TEX29: variants seen among roughly 807,000 people sequenced by gnomAD.
TEX29 encodes testis expressed 29, also known as testis-expressed protein 29.
Under a neutral mutation model 18.2 loss-of-function variants are expected in TEX29, and 26 were observed. The ratio of observed to expected loss-of-function variants is 1.43; its 90% CI spans 1.04 to 1.98. The LOEUF is 1.98. Among genes scored for constraint, TEX29 ranks in the 30% most tolerant of loss-of-function variants. The pLI, the probability that TEX29 is intolerant of heterozygous loss-of-function variation, is 0.00. For missense variants in TEX29, 177 were observed against 194.2 expected (o/e 0.91, Z 0.53); for synonymous variants, 83 against 78.5 (o/e 1.06, Z -0.31).
At chr13:111,320,798 C>T (rs2093662702) in intron 1 of TEX29, 36 bp downstream of exon 1, 2 of 1,538,494 alleles carry the variant, frequency 1.3e-6, no homozygotes, top group Admixed American at 1.7e-5. Flanking sequence ...GTGTGAGCCG[C>T]CCGCTCCCCA....
chr13:111,331,316 A>ATTTTTTTTTTTTTTTTTTC (rs2093682348), intron 3 of TEX29, among the ~76,000 whole-genome samples: 1 of 131,038 alleles, frequency 7.6e-6, no homozygotes, highest in Non-Finnish European at 1.6e-5. Flanking sequence ...CCATTGTTGC[A>ATTTTTTTTTTTTTTTTTTC]TTTTTTTTTT....
At chr13:111,336,830 G>A (rs147415142) in intron 3 of TEX29, among the ~76,000 whole-genome samples, 36 of 152,286 alleles carry the variant, frequency 2.4e-4, no homozygotes, top group Middle Eastern at 6.8e-3. Context: ...TGTACGGAGC[G>A]CATCATTGAG....
Position 111,342,557 on chromosome 13 carries a change from C to CAAAA in TEX29, c.240-182_240-179dup, listed in dbSNP as rs34305274. On this transcript the variant is annotated intron_variant, in intron 4 of 5. Coordinates refer to ENST00000283547, the MANE Select transcript of TEX29 (RefSeq NM_152324.3). ...CCTGGATGACAGATCAAAACTGTCT[C>CAAAA]AAAAAAAAAAAAAAAAAAAAGAGAG... 3.0e-3 allele frequency among the ~76,000 whole-genome samples: 227 copies of CAAAA among 74,954 alleles called. 3 individuals carry two copies. Among genetic ancestry groups the CAAAA allele is most frequent in the African/African-American group, 6.6e-3 (128 of 19,500 alleles). 49.2% of individuals were successfully genotyped at this position (74,954 alleles called of 152,430 possible). A position where few individuals can be genotyped will look rare whatever the true frequency, so the allele number is the denominator to read the frequency against.
intron 2 of TEX29, among the ~76,000 whole-genome samples, chr13:111,325,661 C>T (rs2093671625): frequency 6.6e-6 from 1 of 151,674 alleles, no homozygotes; most frequent in Non-Finnish European, 1.5e-5. Flanking sequence ...AAATGCATGG[C>T]GACATTGTGG....
rs1447835073 is a variant in TEX29 at position 111,342,915 on chromosome 13, C to G, written c.399C>G (p.Asp133Glu). Residue 133 changes from aspartate to glutamate, a missense_variant, in exon 5 of 6, where the codon GAC becomes GAG. Transcript: ENST00000283547. ...GTGCTGGGCCCTCGATGAAGAGTGACGAGGATAAGGATGATGGTGAGAAGC... is the reference window on the plus strand; with the variant it reads ...GTGCTGGGCCCTCGATGAAGAGTGAGGAGGATAAGGATGATGGTGAGAAGC... ...PPSAGPSMKS[D>E]EDKDDVTGTI... The G allele has an allele frequency of 7.4e-6, 12 of 1,613,960 alleles. No individual in the cohort carries two copies. Among genetic ancestry groups the G allele is most frequent in the South Asian group, 1.1e-5 (1 of 91,062 alleles).
At chr13:111,319,386 C>T (rs1294812286), upstream of TEX29, among the ~76,000 whole-genome samples, 1 of 152,132 alleles carries the variant, frequency 6.6e-6, no homozygotes, top group Non-Finnish European at 1.5e-5. Flanking sequence ...ATTATTCAGT[C>T]GTGAGAAGGA....
intron 5 of TEX29, among the ~76,000 whole-genome samples, chr13:111,343,678 C>T (rs535843944): frequency 5.3e-5 from 8 of 152,280 alleles, no homozygotes; most frequent in South Asian, 2.1e-4. Context: ...AGGATACAAA[C>T]GGCCTGGCCT....
At position 111,339,558 on chromosome 13, in the gene TEX29, G is replaced by T. The variant is rs1595692798; in HGVS notation, c.170-305G>T. On this transcript the variant is annotated intron_variant, in intron 3 of 5. Coordinates refer to ENST00000283547, the MANE Select transcript of TEX29 (RefSeq NM_152324.3). ...CTTTCCATGCACTCCCGGGGGTCAG[G>T]ACCCAGTGCCGTCTCTCCATGCACT... 3 of 503,520 alleles carry T rather than the reference G, an allele frequency of 6.0e-6. No individual in the cohort carries two copies. The South Asian group carries it at 6.1e-5, about 10-fold the overall frequency. The allele number at this position is 503,520 out of a possible 1,614,324, so 31.2% of individuals were successfully genotyped here. A position where few individuals can be genotyped will look rare whatever the true frequency, so the allele number is the denominator to read the frequency against.
chr13:111,341,845 ATGTAAGTGAACTTAC>A (rs2093696958), intron 4 of TEX29, among the ~76,000 whole-genome samples: 2 of 152,248 alleles, frequency 1.3e-5, no homozygotes, highest in Admixed American at 1.3e-4. Flanking sequence ...GCCACTGACG[ATGTAAGTGAACTTAC>A]TGTCCCCGGA....
intron 3 of TEX29, among the ~76,000 whole-genome samples, chr13:111,338,532 A>C (rs754907409): frequency 1.2e-4 from 19 of 152,152 alleles, no homozygotes; most frequent in Non-Finnish European, 1.6e-4. Context: ...ATCCCTGGCA[A>C]ACTGACACAC....
chr13:111,327,658 G>A (rs1029695759), intron 2 of TEX29, among the ~76,000 whole-genome samples: 1 of 152,188 alleles, frequency 6.6e-6, no homozygotes, highest in East Asian at 1.9e-4. Flanking sequence ...AGCTCTCCCC[G>A]CCCTGCTTCC....
upstream of TEX29, among the ~76,000 whole-genome samples, chr13:111,317,638 T>C (rs1382697582): frequency 6.6e-6 from 1 of 152,242 alleles, no homozygotes; most frequent in Non-Finnish European, 1.5e-5. Flanking sequence ...ACGGGCGTGT[T>C]TGCTTCCTGC....
upstream of TEX29, among the ~76,000 whole-genome samples, chr13:111,318,078 G>A (rs1351876757): frequency 2.0e-5 from 3 of 152,170 alleles, no homozygotes; most frequent in Non-Finnish European, 2.9e-5. Flanking sequence ...TCAGCCTGTG[G>A]TGATGGGGAA....
intron 3 of TEX29, among the ~76,000 whole-genome samples, chr13:111,334,647 AAGCTT>A (rs1444880597): frequency 6.6e-6 from 1 of 152,208 alleles, no homozygotes; most frequent in African/African-American, 2.4e-5. Context: ...TTTTCATGCT[AAGCTT>A]GTTAGTTAGC....
intron 2 of TEX29, among the ~76,000 whole-genome samples, chr13:111,321,353 G>A (rs923536398): frequency 2.6e-5 from 4 of 152,040 alleles, no homozygotes; most frequent in Non-Finnish European, 4.4e-5. Context: ...TTCCCCACCC[G>A]GGCAACTGAC....
At chr13:111,325,365 A>C (rs909290135) in intron 2 of TEX29, among the ~76,000 whole-genome samples, 1 of 152,122 alleles carries the variant, frequency 6.6e-6, no homozygotes, top group African/African-American at 2.4e-5. Flanking sequence ...TGGAGGGCCT[A>C]CTGGAGATAC....
intron 2 of TEX29, among the ~76,000 whole-genome samples, chr13:111,325,617 C>A (rs1011750108): frequency 6.6e-6 from 1 of 152,064 alleles, no homozygotes; most frequent in African/African-American, 2.4e-5. Context: ...AATGGAAATG[C>A]GTGAGAGACT....
intron 4 of TEX29, among the ~76,000 whole-genome samples, chr13:111,342,002 C>T (rs919053432): frequency 3.9e-5 from 6 of 152,208 alleles, no homozygotes; most frequent in Non-Finnish European, 8.8e-5. Context: ...CTGTGGCCTG[C>T]GTCCTCATTG....
chr13:111,342,964 G>A (rs754048561), intron 5 of TEX29, 33 bp downstream of exon 5: 1 of 1,606,428 alleles, frequency 6.2e-7, no homozygotes, highest in Non-Finnish European at 8.5e-7. Flanking sequence ...CTCAGCCTAA[G>A]GTCAAGGGCG....
Sources: gnomAD v4.1 joint callset for allele counts (sites outside exome capture counted in the v4.1 genomes callset) on GRCh38, gnomAD v4.1.1 for gene constraint, MANE v1.5 for transcripts, NCBI Gene and HGNC (gene_info 2026-07-23, HGNC 2026-07-21) for gene names.